The following F10 variants were observed in gnomAD, a reference collection of about 807,000 sequenced individuals.
F10 encodes the protein coagulation factor X, also known as Stuart-Prower factor.
A neutral mutation model predicts 37.1 loss-of-function variants in F10; 29 were observed. The ratio of observed to expected loss-of-function variants is 0.78; its 90% CI spans 0.58 to 1.07. The LOEUF (loss-of-function observed/expected upper bound fraction) is 1.07. Ranked by LOEUF, F10 falls within the 50% of genes least tolerant of loss-of-function variation. F10 has a pLI of 0.00. For synonymous variants in F10, 262 were observed against 268.6 expected, an observed-to-expected ratio of 0.98 and a Z score of 0.24; for missense variants, 539 against 667.9, an observed-to-expected ratio of 0.81 and a Z score of 2.13.
chr13:113,139,289 C>G lies in F10; in HGVS notation c.257-68C>G. 2.2e-6 allele frequency: 3 copies of G among 1,354,480 alleles called. No individual in the cohort carries two copies. The highest frequency in any genetic ancestry group is 1.2e-5 in the South Asian group (1 of 83,912). The allele number at this position is 1,354,480 out of a possible 1,614,324, so 83.9% of individuals were successfully genotyped here. ...CTGAACGGCAGGGCCAAGGTTAGCA[C>G]AGCAAAACTGTTTCCATGATGCCGG... On this transcript the variant is annotated intron_variant, in intron 3 of 7. Coordinates refer to ENST00000375559, the MANE Select transcript of F10 (RefSeq NM_000504.4). This position sits in a 1 kb window ranked among gnomAD's most constrained non-coding sequence, Gnocchi z 5.2.
Position 113,143,792 on chromosome 13 carries a change from T to C in F10, c.503-59T>C. 1 of 1,602,884 alleles carries C rather than the reference T, an allele frequency of 6.2e-7. No homozygotes were observed. The highest frequency in any genetic ancestry group is 1.3e-5 in the African/African-American group (1 of 74,940). On this transcript the variant is annotated intron_variant, in intron 5 of 7. Transcript: ENST00000375559. The surrounding 1 kb of genome is among the most constrained non-coding windows in gnomAD (Gnocchi z 6.8). ...GACTCTTCTCCCTCAGGGTGAGCTG[T>C]GCAGGCTATGGGGAGCCTCTCTCTG...
chr13:113,131,758 T>G (rs930145945), intron 2 of F10: 1 of 152,242 alleles, frequency 6.6e-6, no homozygotes, highest in African/African-American at 2.4e-5. Context: ...CTTTGAGCTA[T>G]TTGTCATGAA....
intron 1 of F10, among the ~76,000 whole-genome samples, chr13:113,124,143 C>T (rs954105021): frequency 2.7e-5 from 4 of 150,818 alleles, no homozygotes; most frequent in South Asian, 2.1e-4. Flanking sequence ...AAGCCCGGCC[C>T]GGGGCTCCCG....
At position 113,149,326 on chromosome 13, in the gene F10, C is replaced by G. The variant is rs770671957; in HGVS notation, c.1276C>G (p.Arg426Gly). The change falls in exon 8 of 8, where the codon CGC (arginine) becomes GGC (glycine). Residue 426 changes from arginine to glycine, a missense_variant. By Grantham distance (125) the Arg-to-Gly change is moderately radical. Around this residue, in one of 2 missense-constraint regions of F10, gnomAD observed 409 missense variants for 547.9 expected, o/e 0.75. Transcript: ENST00000375559. This position sits in a 1 kb window ranked among gnomAD's most constrained non-coding sequence, Gnocchi z 7.5. Reference sequence around the variant, plus strand: ...GGACAGCGGGGGCCCGCACGTCACCCGCTTCAAGGACACCTACTTCGTGAC... The same window carrying G: ...GGACAGCGGGGGCCCGCACGTCACCGGCTTCAAGGACACCTACTTCGTGAC... Reference protein sequence around the residue: ...QGDSGGPHVTRFKDTYFVTGI... With the variant: ...QGDSGGPHVTGFKDTYFVTGI... 1.2e-6 allele frequency: 2 copies of G among 1,613,270 alleles called. No homozygotes were observed. The highest frequency in any genetic ancestry group is 2.2e-5 in the South Asian group (2 of 91,088).
chr13:113,139,239 G>T lies in F10; in HGVS notation c.257-118G>T. The T allele has an allele frequency of 2.6e-6, 2 of 781,672 alleles. No individual in the cohort carries two copies. The highest frequency in any genetic ancestry group is 4.4e-6 in the Non-Finnish European group (2 of 458,692). 48.4% of individuals were successfully genotyped at this position (781,672 alleles called of 1,614,324 possible). ...CCAAAGAGGGGGAGTTGTTTACAGA[G>T]AAACCGGAAGACTCTTCCAGTTATC... On this transcript the variant is annotated intron_variant, in intron 3 of 7. Transcript: ENST00000375559. The surrounding 1 kb of genome is among the most constrained non-coding windows in gnomAD (Gnocchi z 5.2).
In F10 at chr13:113,143,179, T is replaced by C. The variant is rs1414517000; in HGVS notation, c.503-672T>C. Among the ~76,000 whole-genome samples, 2 of 140,634 alleles carry C rather than the reference T, an allele frequency of 1.4e-5. No homozygotes were observed. Among genetic ancestry groups the C allele is most frequent in the African/African-American group, 5.4e-5 (2 of 37,194 alleles). 92.3% of individuals were successfully genotyped at this position (140,634 alleles called of 152,430 possible). The stretch of plus-strand genomic sequence containing the variant: ...TCCATTCCCCCCTCCTCTCCTCTCC[T>C]GCTCCCCCACACCCCTGCCTTCCTC... On this transcript the variant is annotated intron_variant, in intron 5 of 7. Coordinates refer to ENST00000375559, the MANE Select transcript of F10 (RefSeq NM_000504.4). The surrounding 1 kb of genome is among the most constrained non-coding windows in gnomAD (Gnocchi z 6.8).
rs3211719 is a variant in F10, at chr13:113,123,195, A to G, written c.70+270A>G. 0.21 allele frequency among the ~76,000 whole-genome samples: 32,348 copies of G among 152,112 alleles called. 3,657 individuals are homozygous for G. The highest frequency in any genetic ancestry group is 0.3 in the East Asian group (1,570 of 5,162). On this transcript the variant is annotated intron_variant, in intron 1 of 7. Coordinates refer to ENST00000375559, the MANE Select transcript of F10 (RefSeq NM_000504.4). ...AGTCAGAGAGAGAAAGGGAGAGGGA[A>G]GGAGAAACGGAGACACAGTGAGATG...
intron 2 of F10, 52 bp downstream of exon 2, chr13:113,129,664 C>A (rs1479296775): frequency 1.9e-6 from 3 of 1,610,314 alleles, no homozygotes; most frequent in South Asian, 1.1e-5. Context: ...GCCACAGCGC[C>A]CTCGCTGGCC....
In F10 at chr13:113,129,670, T is replaced by C. The variant is rs553419804; in HGVS notation, c.231+58T>C. On this transcript the variant is annotated intron_variant, in intron 2 of 7. Transcript: ENST00000375559. The stretch of plus-strand genomic sequence containing the variant: ...GGAGCTCAGGCCACAGCGCCCTCGC[T>C]GGCCCCGCTGCTCCGTCCATCCAGG... 5.3e-4 allele frequency: 859 copies of C among 1,608,696 alleles called. 6 individuals carry two copies. The highest frequency in any genetic ancestry group is 9.0e-5 in the Non-Finnish European group (106 of 1,176,514).
intron 7 of F10, among the ~76,000 whole-genome samples, 174 bp downstream of exon 7, chr13:113,147,670 G>A (rs2036594666): frequency 6.6e-6 from 1 of 152,168 alleles, no homozygotes; most frequent in South Asian, 2.1e-4. Flanking sequence ...AGAGGAAGGG[G>A]AAGAGTGGGG....
intron 6 of F10, 109 bp from the exon 7 acceptor site, chr13:113,147,270 C>G: frequency 1.3e-6 from 1 of 769,430 alleles, no homozygotes; most frequent in Non-Finnish European, 2.4e-6. Context: ...CCGAAGAGGA[C>G]AGCTTGGCAT....
chr13:113,130,169 A>C (rs1307703992), intron 2 of F10: 1 of 187,736 alleles, frequency 5.3e-6, no homozygotes, highest in African/African-American at 2.4e-5. Flanking sequence ...AAGGACACGC[A>C]CTGAGGCCAG....
chr13:113,125,615 C>T (rs2036363010), intron 1 of F10, among the ~76,000 whole-genome samples: 1 of 152,264 alleles, frequency 6.6e-6, no homozygotes, highest in Non-Finnish European at 1.5e-5. Context: ...ATTTTACTCA[C>T]ATCAGAAAGT....
chr13:113,148,614 C>T lies in F10; in HGVS notation c.866-302C>T, dbSNP rs555604350. ...CTGGGTCTGGGATGCCAAAAGCCTT[C>T]GGTCCTGGGACGCCTCGTTGGTGCC... On this transcript the variant is annotated intron_variant, in intron 7 of 7. Transcript: ENST00000375559. 4.6e-5 allele frequency among the ~76,000 whole-genome samples: 7 copies of T among 152,176 alleles called. No individual in the cohort carries two copies. In the East Asian group the frequency reaches 9.7e-4, roughly 21 times the overall value.
chr13:113,123,012 C>G, intron 1 of F10, 87 bp downstream of exon 1: 1 of 1,461,552 alleles, frequency 6.8e-7, no homozygotes. Flanking sequence ...ATCTCTGCAG[C>G]CTGGACGGTG....
chr13:113,143,664 G>A lies in F10; in HGVS notation c.503-187G>A, dbSNP rs2036553361. Among the ~76,000 whole-genome samples, 1 of 152,160 alleles carries A rather than the reference G, an allele frequency of 6.6e-6. No individual in the cohort carries two copies. Among genetic ancestry groups the A allele is most frequent in the Admixed American group, 6.5e-5 (1 of 15,288 alleles). The stretch of plus-strand genomic sequence containing the variant: ...CTGAGGGGAGGCCAACGCTCGGACA[G>A]CTGCGCTCACCTGCAGATCCGACCC... On this transcript the variant is annotated intron_variant, in intron 5 of 7. Transcript: ENST00000375559. The surrounding 1 kb of genome is among the most constrained non-coding windows in gnomAD (Gnocchi z 6.8).
At position 113,139,481 on chromosome 13, in the gene F10, C is replaced by T. The variant is rs773696504; in HGVS notation, c.370+11C>T. On this transcript the variant is annotated intron_variant, in intron 4 of 7. Transcript: ENST00000375559. This position sits in a 1 kb window ranked among gnomAD's most constrained non-coding sequence, Gnocchi z 5.2. ...AAAACTGTGAATTATGTAGGTTCCT[C>T]TGCTTGGTATACCTTCAGATCAGAT... The T allele has an allele frequency of 1.0e-5, 16 of 1,605,532 alleles. No individual in the cohort carries two copies. The highest frequency in any genetic ancestry group is 1.3e-5 in the Non-Finnish European group (15 of 1,172,246).
Position 113,138,488 on chromosome 13 carries a change from A to AT in F10, c.256+13dup. On this transcript the variant is annotated splice_region_variant and intron_variant, in intron 3 of 7. Transcript: ENST00000375559. ...TTCTGGAATAAATACAAAGGTCAGT[A>AT]TTTTTTCTGTTTTAACCTTCAGTGA... 3 of 1,392,912 alleles carry AT rather than the reference A, an allele frequency of 2.2e-6. No individual in the cohort carries two copies. The highest frequency in any genetic ancestry group is 3.0e-6 in the Non-Finnish European group (3 of 983,736). The allele number at this position is 1,392,912 out of a possible 1,614,324, so 86.3% of individuals were successfully genotyped here. A position where few individuals can be genotyped will look rare whatever the true frequency, so the allele number is the denominator to read the frequency against.
rs1350434183 is a variant in F10 at position 113,139,490 on chromosome 13, A to G, written c.370+20A>G. ...AATTATGTAGGTTCCTCTGCTTGGT[A>G]TACCTTCAGATCAGATGCCCCTGAA... On this transcript the variant is annotated intron_variant, in intron 4 of 7. Transcript: ENST00000375559. This position sits in a 1 kb window ranked among gnomAD's most constrained non-coding sequence, Gnocchi z 5.2. The G allele has an allele frequency of 6.3e-7, 1 of 1,586,150 alleles. No individual in the cohort carries two copies. The highest frequency in any genetic ancestry group is 8.7e-7 in the Non-Finnish European group (1 of 1,154,750).
Sources: allele counts gnomAD v4.1 joint callset (sites outside exome capture counted in the v4.1 genomes callset), GRCh38; gene constraint gnomAD v4.1.1; regional missense constraint gnomAD v4.1.1; non-coding constraint Gnocchi (gnomAD v3.1); transcripts MANE v1.5; gene names NCBI Gene and HGNC (gene_info 2026-07-23, HGNC 2026-07-21).